Variants in FAM153A observed in about 807,000 individuals in gnomAD.
FAM153A encodes protein FAM153A.
A neutral mutation model predicts 48.1 loss-of-function variants in FAM153A; 12 were observed. That is an observed-to-expected ratio of 0.25 (90% CI 0.16 to 0.40). FAM153A has a LOEUF of 0.40. Ranked by LOEUF, FAM153A falls within the 10% of genes least tolerant of loss-of-function variation. The probability of loss-of-function intolerance (pLI) is 1.00; values close to 1 mark genes in which losing one functional copy is unlikely to be tolerated. For synonymous variants in FAM153A, 36 were observed against 118.2 expected (o/e 0.30, Z 4.51); for missense variants, 111 against 345.8 (o/e 0.32, Z 5.38).
At position 177,746,273 on chromosome 5, in the gene FAM153A, C is replaced by T. The variant is rs1765973593; in HGVS notation, c.260-1306G>A. Among the ~76,000 whole-genome samples, 6 of 148,804 alleles carry T rather than the reference C, an allele frequency of 4.0e-5. No individual in the cohort carries two copies. The South Asian group carries it at 1.3e-3, about 32-fold the overall frequency. On this transcript the variant is annotated intron_variant, in intron 4 of 20. Transcript: ENST00000614127. ...CTCCCTGAGTAGCTGGTATTAAAGA[C>T]ATGTGCTTCCTGAGTAGCTGGTATT...
chr5:177,715,678 C>T (rs537566778), intron 25 of FAM153A, among the ~76,000 whole-genome samples: 1 of 151,674 alleles, frequency 6.6e-6, no homozygotes, highest in Non-Finnish European at 1.5e-5. Flanking sequence ...TAAATGTGGT[C>T]ATCTTATGGA....
rs902412460 is a variant in FAM153A at position 177,778,436 on chromosome 5, T to C, written c.-57+2013A>G. Among the ~76,000 whole-genome samples, 3 of 93,760 alleles carry C rather than the reference T, an allele frequency of 3.2e-5. 1 individual carries two copies. The highest frequency in any genetic ancestry group is 1.3e-4 in the African/African-American group (3 of 23,386). The allele number at this position is 93,760 out of a possible 152,430, so 61.5% of individuals were successfully genotyped here. A position where few individuals can be genotyped will look rare whatever the true frequency, so the allele number is the denominator to read the frequency against. ...AAAAAAAAATGAAAAGGTGGTCAAT[T>C]TTCTGCAACTCAACTGGGCTTAATT... On this transcript the variant is annotated intron_variant, in intron 1 of 8. Coordinates refer to the FAM153A transcript ENST00000393518.
the FAM153A span, among the ~76,000 whole-genome samples, chr5:177,696,445 G>GT: frequency 6.6e-6 from 1 of 151,946 alleles, no homozygotes; most frequent in Non-Finnish European, 1.5e-5. Context: ...TCACATCTCA[G>GT]TTTTTGAGCT....
At chr5:177,718,517 G>T (rs1263211580), downstream of FAM153A, 11 of 134,384 alleles carry the variant, frequency 8.2e-5, 3 homozygotes, top group Non-Finnish European at 1.9e-4. Flanking sequence ...TACTTCGTAT[G>T]CTTTATTCCA....
At chr5:177,753,286 A>G (rs1420301082), upstream of FAM153A, 47 of 1,307,040 alleles carry the variant, frequency 3.6e-5, no homozygotes, top group Non-Finnish European at 4.9e-5. Flanking sequence ...GAAAGGCAAG[A>G]CCTATATCAT....
At chr5:177,779,039 C>G (rs1769448890) in intron 1 of FAM153A, among the ~76,000 whole-genome samples, 1 of 148,918 alleles carries the variant, frequency 6.7e-6, no homozygotes, top group South Asian at 2.1e-4. Context: ...ACTTGCATAA[C>G]TGGAAAAAAA....
intron 9 of FAM153A, 116 bp downstream of exon 11, chr5:177,739,484 C>A: frequency 1.9e-6 from 2 of 1,080,562 alleles, no homozygotes; most frequent in Non-Finnish European, 1.3e-6. Context: ...CCAAGAAATT[C>A]TGTAAGTCAT....
At chr5:177,713,465 G>C (rs1758893767) in intron 26 of FAM153A, among the ~76,000 whole-genome samples, 5 of 151,236 alleles carry the variant, frequency 3.3e-5, no homozygotes, top group Admixed American at 3.3e-4. Flanking sequence ...CACCGTGTTA[G>C]CCAGGACGGT....
In FAM153A at chr5:177,715,581, TC is replaced by T. The variant is rs559003632; in HGVS notation, c.*1222+763del. On this transcript the variant is annotated intron_variant and NMD_transcript_variant, in intron 25 of 26. Transcript: ENST00000360669. ...AGGTTCACTCCACATCCTGTCCTGA[TC>T]CTCAGCTGCCAGAGGCCAGCCTGTA... Among the ~76,000 whole-genome samples the T allele has an allele frequency of 3.0e-3, 459 of 151,766 alleles. 4 individuals carry two copies. The highest frequency in any genetic ancestry group is 4.6e-3 in the Non-Finnish European group (316 of 68,010).
chr5:177,781,922 G>C (rs1477020781), upstream of FAM153A, among the ~76,000 whole-genome samples: 2 of 89,524 alleles, frequency 2.2e-5, no homozygotes, highest in Non-Finnish European at 4.7e-5. Context: ...GTAGAGACGG[G>C]GTTTCACCGT....
chr5:177,718,911 T>G (rs1234768612), downstream of FAM153A, among the ~76,000 whole-genome samples: 2 of 151,332 alleles, frequency 1.3e-5, no homozygotes, highest in Non-Finnish European at 2.9e-5. Flanking sequence ...AGATAGAGTC[T>G]TGTTCTATTA....
At chr5:177,709,093 CAAAAAAAAAAAAAAAAAAAAAAAAAAAA>C (rs56257501), downstream of FAM153A, among the ~76,000 whole-genome samples, 3 of 34,106 alleles carry the variant, frequency 8.8e-5, no homozygotes, top group Non-Finnish European at 1.7e-4. Context: ...GACTCCGTCT[CAAAAAAAAAAAAAAAAAAAAAAAAAAAA>C]AAAAAAAAAA....
chr5:177,728,584 T>C (rs1334828724), intron 18 of FAM153A, among the ~76,000 whole-genome samples: 1 of 149,868 alleles, frequency 6.7e-6, no homozygotes, highest in Non-Finnish European at 1.5e-5. Context: ...TGTTTTTTTT[T>C]TTGAGACGGA....
chr5:177,751,459 T>A lies in FAM153A; in HGVS notation c.32-407A>T, dbSNP rs1766886967. The stretch of plus-strand genomic sequence containing the variant: ...CTAAAGCCTTAAAACGGGTGCTTCC[T>A]AAGTGCCACAAAGTGTTCAATTATT... On this transcript the variant is annotated intron_variant, in intron 1 of 20. Coordinates refer to ENST00000614127, the Ensembl canonical transcript of FAM153A. Among the ~76,000 whole-genome samples, 2 of 117,636 alleles carry A rather than the reference T, an allele frequency of 1.7e-5. 1 individual carries two copies. The highest frequency in any genetic ancestry group is 6.1e-4 in the South Asian group (2 of 3,282). The allele number at this position is 117,636 out of a possible 152,430, so 77.2% of individuals were successfully genotyped here.
At chr5:177,704,764 C>G (rs1458274784), downstream of FAM153A, among the ~76,000 whole-genome samples, 1 of 151,712 alleles carries the variant, frequency 6.6e-6, no homozygotes, top group Non-Finnish European at 1.5e-5. Flanking sequence ...CTTTGGGAGG[C>G]TGAGGCAGGT....
At chr5:177,702,905 C>T in the FAM153A span, among the ~76,000 whole-genome samples, 4 of 152,022 alleles carry the variant, frequency 2.6e-5, no homozygotes, top group South Asian at 6.2e-4. Flanking sequence ...AAGCAGAAGC[C>T]TCACTGCCCT....
chr5:177,761,158 A>T (rs1768276291), intron 1 of FAM153A, among the ~76,000 whole-genome samples: 1 of 150,892 alleles, frequency 6.6e-6, no homozygotes, highest in South Asian at 2.1e-4. Context: ...CCACACTTCC[A>T]CACCCACTCA....
upstream of FAM153A, among the ~76,000 whole-genome samples, chr5:177,753,955 G>A (rs1449876071): frequency 6.6e-6 from 1 of 151,914 alleles, no homozygotes; most frequent in Admixed American, 6.5e-5. Context: ...TGAGGTATCA[G>A]GCTCACCTCA....
At position 177,738,405 on chromosome 5, in the gene FAM153A, T is replaced by C. The variant is rs146205347; in HGVS notation, c.562+708A>G. Among the ~76,000 whole-genome samples, 18 of 151,596 alleles carry C rather than the reference T, an allele frequency of 1.2e-4. No homozygotes were observed. In the East Asian group the frequency reaches 3.5e-3, roughly 29 times the overall value. On this transcript the variant is annotated intron_variant, in intron 10 of 20. Transcript: ENST00000614127. ...CAAAGTCCACTGTAAAATGTACTTA[T>C]TCCTACACTGAGTTATGTGACCATT... is the stretch of plus-strand genomic sequence containing the variant.
Sources: allele counts gnomAD v4.1 joint callset (sites outside exome capture counted in the v4.1 genomes callset), GRCh38; gene constraint gnomAD v4.1.1; transcripts MANE v1.5; gene names NCBI Gene and HGNC (gene_info 2026-07-23, HGNC 2026-07-21).